The following UNC79 variants were observed in gnomAD, a reference collection of about 807,000 sequenced individuals.
The protein encoded by UNC79 is protein unc-79 homolog.
Under a neutral mutation model 283.1 loss-of-function variants are expected in UNC79, and 37 were observed. That is an observed-to-expected ratio of 0.13 (90% confidence interval 0.10 to 0.17). The LOEUF is 0.17. UNC79 is among the 10% of genes least tolerant of loss of function. The pLI, the probability that UNC79 is intolerant of heterozygous loss-of-function variation, is 1.00. For missense variants in UNC79, 2,272 were observed against 3,211.1 expected, an observed-to-expected ratio of 0.71 and a Z score of 7.07; for synonymous variants, 1,107 against 1,200.2, an observed-to-expected ratio of 0.92 and a Z score of 1.61.
intron 22 of UNC79, among the ~76,000 whole-genome samples, chr14:93,591,169 A>AGTAT (rs905293851): frequency 6.6e-6 from 1 of 152,154 alleles, no homozygotes; most frequent in African/African-American, 2.4e-5. Context: ...CTATAGCTCT[A>AGTAT]GTATGCCTTC....
At chr14:93,436,974 T>A (rs2056105324) in intron 1 of UNC79, among the ~76,000 whole-genome samples, 1 of 152,114 alleles carries the variant, frequency 6.6e-6, no homozygotes, top group Admixed American at 6.5e-5. Context: ...GTTCAGCATT[T>A]CAGGGTATCT....
rs2064230463 is a variant in UNC79 at position 93,586,456 on chromosome 14, A to AG, written c.2804-139dup. 4 of 649,406 alleles carry AG rather than the reference A, an allele frequency of 6.2e-6. No individual in the cohort carries two copies. The African/African-American group carries it at 7.3e-5, about 12-fold the overall frequency. The allele number at this position is 649,406 out of a possible 1,614,324, so 40.2% of individuals were successfully genotyped here. ...AGCAGGGATATATGCTAATGTGGAGAGCAGATAAAAAGTTTTCTCAAACAA... is the reference window on the plus strand; with the variant it reads ...AGCAGGGATATATGCTAATGTGGAGAGGCAGATAAAAAGTTTTCTCAAACAA... On this transcript the variant is annotated intron_variant, in intron 20 of 48. Coordinates refer to ENST00000555664, the Ensembl canonical transcript of UNC79.
intron 22 of UNC79, among the ~76,000 whole-genome samples, chr14:93,590,450 C>T (rs570440009): frequency 1.2e-4 from 19 of 152,058 alleles, no homozygotes; most frequent in South Asian, 6.2e-4. Flanking sequence ...CAGATCTGGA[C>T]GAAAGGAGTG....
chr14:93,448,895 C>A (rs1314117720), intron 1 of UNC79, among the ~76,000 whole-genome samples: 1 of 152,138 alleles, frequency 6.6e-6, no homozygotes, highest in Admixed American at 6.5e-5. Context: ...TTGGTTTGTT[C>A]GTTTTTAGAA....
chr14:93,631,581 GA>G (rs1478002292), intron 31 of UNC79, among the ~76,000 whole-genome samples: 1 of 152,236 alleles, frequency 6.6e-6, no homozygotes, highest in African/African-American at 2.4e-5. Context: ...CCAAGAATCA[GA>G]GATATGAACA....
At chr14:93,350,011 A>C (rs1056596058) in intron 1 of UNC79, among the ~76,000 whole-genome samples, 1 of 152,182 alleles carries the variant, frequency 6.6e-6, no homozygotes, top group African/African-American at 2.4e-5. Context: ...AAATCGTAAA[A>C]TTATTTTGGA....
At chr14:93,468,986 T>C (rs1046221027) in intron 2 of UNC79, among the ~76,000 whole-genome samples, 6 of 152,222 alleles carry the variant, frequency 3.9e-5, no homozygotes, top group Admixed American at 3.9e-4. Flanking sequence ...TGAATTCTTC[T>C]TTTGTCTTTG....
chr14:93,653,921 C>G lies in UNC79; in HGVS notation c.6197-19C>G. The G allele has an allele frequency of 6.2e-7, 1 of 1,614,142 alleles. No individual in the cohort carries two copies. The highest frequency in any genetic ancestry group is 8.5e-7 in the Non-Finnish European group (1 of 1,179,996). On this transcript the variant is annotated intron_variant, in intron 36 of 48. Coordinates refer to ENST00000555664, the Ensembl canonical transcript of UNC79. ...CATCCCAGACACCCAAACACTAAATCCGATCGTTGACTTTCCAGATGGGAC... is the reference window on the plus strand; with the variant it reads ...CATCCCAGACACCCAAACACTAAATGCGATCGTTGACTTTCCAGATGGGAC...
chr14:93,493,899 A>T (rs1377177471), intron 5 of UNC79, among the ~76,000 whole-genome samples: 29,996 of 58,590 alleles, frequency 0.51, 7,880 homozygotes, highest in Non-Finnish European at 0.56. Flanking sequence ...ATATATATAT[A>T]TATTTTTTTT....
At chr14:93,676,725 C>CA (rs2073372020) in intron 41 of UNC79, among the ~76,000 whole-genome samples, 1 of 151,992 alleles carries the variant, frequency 6.6e-6, no homozygotes, top group South Asian at 2.1e-4. Context: ...CACAAGATGC[C>CA]AAAAGAACAC....
intron 20 of UNC79, 118 bp from the exon 21 acceptor site, chr14:93,586,478 A>T: frequency 1.2e-6 from 1 of 856,744 alleles, no homozygotes. Flanking sequence ...GTTTTCTCAA[A>T]CAATTTTGCA....
chr14:93,634,070 G>T (rs7147071), intron 31 of UNC79, among the ~76,000 whole-genome samples: 1 of 151,704 alleles, frequency 6.6e-6, no homozygotes, highest in South Asian at 2.1e-4. Flanking sequence ...AAATATACAC[G>T]CACACACACA....
At chr14:93,570,606 T>G (rs907331010) in intron 14 of UNC79, among the ~76,000 whole-genome samples, 5 of 152,192 alleles carry the variant, frequency 3.3e-5, no homozygotes, top group African/African-American at 4.8e-5. Flanking sequence ...ATTTTTGTTC[T>G]AAATCTGATT....
chr14:93,539,043 C>T (rs1183899023), intron 12 of UNC79, among the ~76,000 whole-genome samples: 2 of 150,986 alleles, frequency 1.3e-5, no homozygotes, highest in East Asian at 4.0e-4. Flanking sequence ...GCTGGGATTA[C>T]AGGTGCGCAC....
At chr14:93,550,219 T>C (rs929945885) in intron 14 of UNC79, among the ~76,000 whole-genome samples, 1 of 152,062 alleles carries the variant, frequency 6.6e-6, no homozygotes, top group Non-Finnish European at 1.5e-5. Flanking sequence ...ATACAGCTAG[T>C]TTTCGTTGCC....
intron 38 of UNC79, among the ~76,000 whole-genome samples, chr14:93,658,039 C>G (rs2071143578): frequency 6.6e-6 from 1 of 152,160 alleles, no homozygotes; most frequent in African/African-American, 2.4e-5. Flanking sequence ...GTGTAAATGT[C>G]ACATCAACTC....
In UNC79 at chr14:93,474,189, T is replaced by A; in HGVS notation, c.244T>A (p.Ser82Thr). The A allele has an allele frequency of 6.5e-7, 1 of 1,536,014 alleles. No individual in the cohort carries two copies. The highest frequency in any genetic ancestry group is 8.7e-7 in the Non-Finnish European group (1 of 1,146,834). ...TCCTGTGCCATTCCCACTCACCCCA[T>A]CTCTAAGACCGCAGGTCAGTTCCAT... Residue 82 changes from serine (S) to threonine (T), a missense_variant, in exon 3 of 49, where the codon TCT (serine) becomes ACT (threonine). Coordinates refer to ENST00000555664, the Ensembl canonical transcript of UNC79. The surrounding 1 kb of genome is among the most constrained non-coding windows in gnomAD (Gnocchi z 4.1).
chr14:93,607,790 C>A (rs1215735622), intron 26 of UNC79, among the ~76,000 whole-genome samples: 6 of 152,170 alleles, frequency 3.9e-5, no homozygotes, highest in Non-Finnish European at 8.8e-5. Context: ...TAGTTAGGAT[C>A]AATAAAGCAC....
chr14:93,491,941 G>T (rs2140516125), intron 5 of UNC79, among the ~76,000 whole-genome samples: 1 of 152,256 alleles, frequency 6.6e-6, no homozygotes, highest in South Asian at 2.1e-4. Flanking sequence ...ATCCACCAGG[G>T]GCTCTCTGGG....
Sources: allele counts gnomAD v4.1 joint callset (sites outside exome capture counted in the v4.1 genomes callset), GRCh38; gene constraint gnomAD v4.1.1; non-coding constraint Gnocchi (gnomAD v3.1); transcripts MANE v1.5; gene names NCBI Gene and HGNC (gene_info 2026-07-23, HGNC 2026-07-21).